PCNX1: variants seen among roughly 807,000 people sequenced by gnomAD.
The protein encoded by PCNX1 is pecanex-like protein 1.
Under a neutral mutation model 242.2 loss-of-function variants are expected in PCNX1, and 78 were observed. That is an observed-to-expected ratio of 0.32 (90% CI 0.27 to 0.39). The LOEUF is 0.39. Ranked by LOEUF, PCNX1 falls within the 10% of genes least tolerant of loss-of-function variation. The pLI, the probability that PCNX1 is intolerant of heterozygous loss-of-function variation, is 1.00. For missense variants in PCNX1, 2,581 were observed against 2,856.5 expected, an observed-to-expected ratio of 0.90 and a Z score of 2.20; for synonymous variants, 1,024 against 1,032.9, an observed-to-expected ratio of 0.99 and a Z score of 0.17.
At chr14:71,039,897 GT>G (rs1390343136) in intron 19 of PCNX1, among the ~76,000 whole-genome samples, 4 of 152,182 alleles carry the variant, frequency 2.6e-5, no homozygotes, top group African/African-American at 9.7e-5. Flanking sequence ...TAATTACCAT[GT>G]TTAGTGCCCT....
chr14:70,909,592 T>A (rs1566807643), intron 1 of PCNX1, among the ~76,000 whole-genome samples: 1 of 152,202 alleles, frequency 6.6e-6, no homozygotes. Context: ...AGTGTAAGAT[T>A]TCTTTTTTAA....
At chr14:70,923,975 A>G in intron 1 of PCNX1, among the ~76,000 whole-genome samples, 1 of 152,186 alleles carries the variant, frequency 6.6e-6, no homozygotes. Flanking sequence ...TCACACCTGT[A>G]ATCCCAGCAC....
At chr14:71,013,243 A>C in intron 11 of PCNX1, 41 bp downstream of exon 11, 1 of 1,408,788 alleles carries the variant, frequency 7.1e-7, no homozygotes, top group South Asian at 1.1e-5. Context: ...TGTGGATTTT[A>C]TTTTTAAGAT....
intron 11 of PCNX1, among the ~76,000 whole-genome samples, chr14:71,014,866 A>T (rs2059918580): frequency 6.6e-6 from 1 of 152,204 alleles, no homozygotes; most frequent in African/African-American, 2.4e-5. Flanking sequence ...ATATACATTC[A>T]GGAAGCCCAG....
In PCNX1 at chr14:70,977,958, G is replaced by A; in HGVS notation, c.1621G>A (p.Asp541Asn). Residue 541 changes from aspartate (D) to asparagine (N), a missense_variant, in exon 6 of 36, where the codon GAT becomes AAT. By Grantham distance (23) the Asp-to-Asn change is conservative. Coordinates refer to ENST00000304743, the MANE Select transcript of PCNX1 (RefSeq NM_014982.3). ...KDVGGKQKEG[D>N]VRPKSSSVIH... Reference sequence around the variant, plus strand: ...TGTTGGTGGAAAGCAAAAGGAAGGGGATGTTCGACCTAAATCTTCTAGCGT... The same window carrying A: ...TGTTGGTGGAAAGCAAAAGGAAGGGAATGTTCGACCTAAATCTTCTAGCGT... 6.2e-7 allele frequency: 1 copy of A among 1,614,132 alleles called. No individual in the cohort carries two copies.
chr14:71,014,448 A>T (rs1240838763), intron 11 of PCNX1, among the ~76,000 whole-genome samples: 1 of 152,212 alleles, frequency 6.6e-6, no homozygotes, highest in Admixed American at 6.5e-5. Flanking sequence ...TTAAATAGAT[A>T]CTAGAATTAG....
At chr14:71,002,895 C>G (rs901435974) in intron 8 of PCNX1, among the ~76,000 whole-genome samples, 1 of 151,974 alleles carries the variant, frequency 6.6e-6, no homozygotes, top group African/African-American at 2.4e-5. Context: ...TTTTGTTGGC[C>G]TTTAGAATTG....
intron 2 of PCNX1, among the ~76,000 whole-genome samples, chr14:70,960,922 C>T (rs1409970831): frequency 6.6e-6 from 1 of 152,076 alleles, no homozygotes; most frequent in East Asian, 1.9e-4. Context: ...ACAATTGCTT[C>T]AAAGAGAATA....
chr14:71,003,080 C>CCTTTTTTTTTTTTTTTTTTTTTT (rs2059552444), intron 8 of PCNX1, among the ~76,000 whole-genome samples: 1 of 95,474 alleles, frequency 1.0e-5, no homozygotes, highest in African/African-American at 4.7e-5. Context: ...TGGTTGTCTT[C>CCTTTTTTTTTTTTTTTTTTTTTT]TTTTTTTTTT....
chr14:71,067,910 T>C (rs948945704), intron 26 of PCNX1, among the ~76,000 whole-genome samples: 1 of 152,120 alleles, frequency 6.6e-6, no homozygotes, highest in Non-Finnish European at 1.5e-5. Flanking sequence ...GTTGTTCAGT[T>C]TCACAATTAA....
chr14:71,008,893 TG>T (rs952814914), intron 8 of PCNX1, among the ~76,000 whole-genome samples: 1 of 152,070 alleles, frequency 6.6e-6, no homozygotes, highest in African/African-American at 2.4e-5. Context: ...TCAGGCAGTA[TG>T]TAGAGTTTTA....
intron 11 of PCNX1, among the ~76,000 whole-genome samples, chr14:71,016,788 AGT>A (rs2059972505): frequency 6.6e-6 from 1 of 152,234 alleles, no homozygotes; most frequent in Admixed American, 6.5e-5. Flanking sequence ...GTCTCAAATC[AGT>A]GACTTCACCT....
At chr14:71,020,352 C>T (rs1461258696) in intron 12 of PCNX1, among the ~76,000 whole-genome samples, 1 of 152,308 alleles carries the variant, frequency 6.6e-6, no homozygotes, top group Non-Finnish European at 1.5e-5. Flanking sequence ...CTTGAGGAAT[C>T]GCCACACTGT....
At chr14:70,922,901 A>T (rs954101669) in intron 1 of PCNX1, among the ~76,000 whole-genome samples, 6 of 152,110 alleles carry the variant, frequency 3.9e-5, no homozygotes, top group Non-Finnish European at 2.9e-5. Flanking sequence ...ATCAAACTAG[A>T]TGTTGCCAAA....
chr14:71,099,283 C>T (rs1234404129), intron 30 of PCNX1, among the ~76,000 whole-genome samples: 8 of 151,924 alleles, frequency 5.3e-5, no homozygotes, highest in African/African-American at 1.4e-4. Context: ...CTCAGCCTCC[C>T]GATTAGCTGG....
chr14:70,983,037 T>G (rs1274513225), intron 6 of PCNX1, among the ~76,000 whole-genome samples: 1 of 152,226 alleles, frequency 6.6e-6, no homozygotes, highest in Non-Finnish European at 1.5e-5. Context: ...ATGTCTTTCA[T>G]TTGTAAGGAT....
At chr14:71,034,289 A>G (rs1304850715) in intron 18 of PCNX1, among the ~76,000 whole-genome samples, 2 of 152,156 alleles carry the variant, frequency 1.3e-5, no homozygotes, top group Non-Finnish European at 2.9e-5. Flanking sequence ...AAATTAAGTC[A>G]TTTCATTGGC....
chr14:71,103,306 C>T lies in PCNX1; in HGVS notation c.5821-89C>T, dbSNP rs1376148538. The T allele has an allele frequency of 2.2e-6, 3 of 1,385,756 alleles. No homozygotes were observed. The African/African-American group carries it at 4.3e-5, about 20-fold the overall frequency. The allele number at this position is 1,385,756 out of a possible 1,614,324, so 85.8% of individuals were successfully genotyped here. A position where few individuals can be genotyped will look rare whatever the true frequency, so the allele number is the denominator to read the frequency against. On this transcript the variant is annotated intron_variant, in intron 31 of 35. Coordinates refer to ENST00000304743, the MANE Select transcript of PCNX1 (RefSeq NM_014982.3). ...TTTTCACAACTGGTTATCATAATAT[C>T]TTTTGTATTCCTCCCATTTCTGCTC...
intron 3 of PCNX1, among the ~76,000 whole-genome samples, chr14:70,965,998 G>T (rs1054265556): frequency 6.6e-6 from 1 of 152,190 alleles, no homozygotes; most frequent in Admixed American, 6.5e-5. Context: ...AATTTAATGA[G>T]TGAGGGCAAA....
Sources: allele counts gnomAD v4.1 joint callset (sites outside exome capture counted in the v4.1 genomes callset), GRCh38; gene constraint gnomAD v4.1.1; transcripts MANE v1.5; gene names NCBI Gene and HGNC (gene_info 2026-07-23, HGNC 2026-07-21).